Variants in DAB1 observed in about 807,000 individuals in gnomAD.
DAB1 encodes DAB adaptor protein 1.
In DAB1, 15 loss-of-function variants were observed where a neutral mutation model predicts 64.6. The ratio of observed to expected loss-of-function variants is 0.23; its 90% CI spans 0.16 to 0.36. DAB1 has a LOEUF of 0.36. Among genes scored for constraint, DAB1 ranks in the 10% least tolerant of loss-of-function variants. The pLI, the probability that DAB1 is intolerant of heterozygous loss-of-function variation, is 1.00. For missense variants in DAB1, 596 were observed against 706.7 expected, an observed-to-expected ratio of 0.84 and a Z score of 1.78; for synonymous variants, 235 against 251.9, an observed-to-expected ratio of 0.93 and a Z score of 0.64.
intron 3 of DAB1, among the ~76,000 whole-genome samples, chr1:58,366,251 C>T (rs1334928714): frequency 2.0e-5 from 3 of 152,176 alleles, no homozygotes; most frequent in Non-Finnish European, 4.4e-5. Context: ...AGCTCAACTA[C>T]GGGATGGCTG....
At chr1:57,212,477 C>T (rs1198246025) in intron 2 of DAB1, among the ~76,000 whole-genome samples, 1 of 147,386 alleles carries the variant, frequency 6.8e-6, no homozygotes, top group Non-Finnish European at 1.5e-5. Flanking sequence ...ATGCCATTCT[C>T]CTGCCTCAGC....
chr1:57,736,113 G>A (rs1330909458), intron 6 of DAB1, among the ~76,000 whole-genome samples: 2 of 152,132 alleles, frequency 1.3e-5, no homozygotes, highest in Admixed American at 6.5e-5. Flanking sequence ...CCGTACGGAC[G>A]GCTATATACT....
intron 1 of DAB1, among the ~76,000 whole-genome samples, chr1:57,311,088 C>T (rs1296282113): frequency 6.6e-6 from 1 of 152,078 alleles, no homozygotes; most frequent in East Asian, 1.9e-4. Flanking sequence ...GTCTTTGTGA[C>T]CCCAAAGCCC....
intron 3 of DAB1, among the ~76,000 whole-genome samples, chr1:58,405,322 CATCTT>C (rs1365514231): frequency 5.3e-5 from 8 of 152,142 alleles, no homozygotes; most frequent in African/African-American, 1.9e-4. Flanking sequence ...TTTGTCACAT[CATCTT>C]ATCTTCTTTC....
rs573479143 is a variant in DAB1, at chr1:58,067,197, A to G, written n.387+83314T>C. 2.6e-4 allele frequency among the ~76,000 whole-genome samples: 40 copies of G among 152,338 alleles called. No homozygotes were observed. In the South Asian group the frequency reaches 7.5e-3, roughly 28 times the overall value. Reference sequence around the variant, plus strand: ...GTGACTAAAATCACAAATTAAATCAACAATGGTGTAATTCATTGTTTAATG... The same window carrying G: ...GTGACTAAAATCACAAATTAAATCAGCAATGGTGTAATTCATTGTTTAATG... On this transcript the variant is annotated intron_variant and non_coding_transcript_variant, in intron 5 of 20. Coordinates refer to the DAB1 transcript ENST00000485760.
chr1:57,233,440 TG>T (rs1667853711), intron 2 of DAB1, among the ~76,000 whole-genome samples: 1 of 151,458 alleles, frequency 6.6e-6, no homozygotes, highest in Non-Finnish European at 1.5e-5. Context: ...TTTTTTGCTT[TG>T]CTCCGATTCT....
rs548864942 is a variant in DAB1, at chr1:57,991,887, G to A, written n.388-107725C>T. Among the ~76,000 whole-genome samples the A allele has an allele frequency of 1.6e-4, 21 of 132,136 alleles. No homozygotes were observed. In the East Asian group the frequency reaches 2.1e-3, roughly 13 times the overall value. 86.7% of individuals were successfully genotyped at this position (132,136 alleles called of 152,430 possible). A position where few individuals can be genotyped will look rare whatever the true frequency, so the allele number is the denominator to read the frequency against. ...AAAAAAAAGGAGTAGGCCAGAGAAC[G>A]CTCTCTAGAGCTGCTGATGGTGGAA... On this transcript the variant is annotated intron_variant and non_coding_transcript_variant, in intron 5 of 20. Coordinates refer to the DAB1 transcript ENST00000485760.
intron 1 of DAB1, among the ~76,000 whole-genome samples, chr1:57,299,933 T>C (rs1370512142): frequency 6.6e-6 from 1 of 152,208 alleles, no homozygotes; most frequent in South Asian, 2.1e-4. Flanking sequence ...TAAATTGTCA[T>C]AGCTGCTTGC....
At chr1:57,916,327 ATTCCAGTT>A (rs1002965229) in intron 5 of DAB1, among the ~76,000 whole-genome samples, 1 of 152,184 alleles carries the variant, frequency 6.6e-6, no homozygotes, top group African/African-American at 2.4e-5. Context: ...TGGTCTCTTG[ATTCCAGTT>A]TTCCTATGAC....
chr1:57,291,324 A>G (rs1672758484), intron 1 of DAB1, among the ~76,000 whole-genome samples, 158 bp from the exon 2 acceptor site: 1 of 152,236 alleles, frequency 6.6e-6, no homozygotes, highest in Non-Finnish European at 1.5e-5. Flanking sequence ...GGGTTTATAC[A>G]GCAAAGGGAA....
intron 7 of DAB1, among the ~76,000 whole-genome samples, chr1:57,632,666 T>C (rs963493392): frequency 1.2e-4 from 18 of 152,224 alleles, no homozygotes; most frequent in African/African-American, 4.1e-4. Context: ...CTCAGGAGAA[T>C]GGAATTCTCA....
chr1:58,429,092 G>C (rs1365151367), intron 3 of DAB1, among the ~76,000 whole-genome samples: 1 of 152,186 alleles, frequency 6.6e-6, no homozygotes, highest in South Asian at 2.1e-4. Context: ...ATATGTAAAA[G>C]TATATAGTAC....
chr1:57,151,066 T>C (rs917428600), intron 2 of DAB1, among the ~76,000 whole-genome samples: 1 of 152,156 alleles, frequency 6.6e-6, no homozygotes, highest in African/African-American at 2.4e-5. Flanking sequence ...CCAATTAATG[T>C]ACTTGCAAAA....
At chr1:57,098,639 G>T (rs202013711) in intron 4 of DAB1, among the ~76,000 whole-genome samples, 30 of 152,172 alleles carry the variant, frequency 2.0e-4, no homozygotes, top group Non-Finnish European at 3.7e-4. Context: ...ATTATGGCTT[G>T]TTCCTTGTTT....
chr1:57,108,143 C>T (rs1655335477), intron 4 of DAB1, among the ~76,000 whole-genome samples: 1 of 152,104 alleles, frequency 6.6e-6, no homozygotes, highest in African/African-American at 2.4e-5. Context: ...CCAATCAAGG[C>T]TGTAGGGTAA....
intron 2 of DAB1, among the ~76,000 whole-genome samples, chr1:57,281,402 A>AAATGTATTCC (rs1430514246): frequency 6.6e-6 from 1 of 152,178 alleles, no homozygotes; most frequent in Non-Finnish European, 1.5e-5. Context: ...AATACAGAAA[A>AAATGTATTCC]AATGTATTCC....
chr1:58,288,810 G>A (rs1001818992), intron 4 of DAB1, among the ~76,000 whole-genome samples: 1 of 152,146 alleles, frequency 6.6e-6, no homozygotes, highest in African/African-American at 2.4e-5. Flanking sequence ...TAATCTTTGA[G>A]GCTTCTTTAT....
intron 1 of DAB1, among the ~76,000 whole-genome samples, chr1:57,404,063 T>G (rs1282015641): frequency 6.6e-6 from 1 of 152,046 alleles, no homozygotes; most frequent in Non-Finnish European, 1.5e-5. Flanking sequence ...AATGAAGATA[T>G]TCATCCAAGT....
Position 58,323,693 on chromosome 1 carries a change from C to T in DAB1, n.309+19659G>A, listed in dbSNP as rs11207195. ...GCCGCACTTTGGGAGGCTGAGGTGGCGGCGGGCAGATCATGAGGTCAGGAG... is the reference window on the plus strand; with the variant it reads ...GCCGCACTTTGGGAGGCTGAGGTGGTGGCGGGCAGATCATGAGGTCAGGAG... On this transcript the variant is annotated intron_variant and non_coding_transcript_variant, in intron 4 of 20. Transcript: ENST00000485760. Among the ~76,000 whole-genome samples the T allele has an allele frequency of 1.9e-3, 284 of 151,980 alleles. 3 individuals carry two copies. Among genetic ancestry groups the T allele is most frequent in the African/African-American group, 4.0e-3 (167 of 41,464 alleles).
Sources: allele counts gnomAD v4.1 joint callset (sites outside exome capture counted in the v4.1 genomes callset), GRCh38; gene constraint gnomAD v4.1.1; transcripts MANE v1.5; gene names NCBI Gene and HGNC (gene_info 2026-07-23, HGNC 2026-07-21).